The following XKR7 variants were observed in gnomAD, a reference collection of about 807,000 sequenced individuals.
XKR7 encodes XK related 7, also known as XK-related protein 7.
A neutral mutation model predicts 42.2 loss-of-function variants in XKR7; 11 were observed. The ratio of observed to expected loss-of-function variants is 0.26; its 90% confidence interval spans 0.16 to 0.43. XKR7 has a LOEUF of 0.43. Ranked by LOEUF, XKR7 falls within the 20% of genes least tolerant of loss-of-function variation. The pLI is 1.00. For missense variants in XKR7, 710 were observed against 802.2 expected, an observed-to-expected ratio of 0.89 and a Z score of 1.39; for synonymous variants, 346 against 366.4, an observed-to-expected ratio of 0.94 and a Z score of 0.64.
At chr20:31,979,221 C>CT (rs1483137545) in intron 1 of XKR7, among the ~76,000 whole-genome samples, 20 of 146,008 alleles carry the variant, frequency 1.4e-4, no homozygotes, top group African/African-American at 2.8e-4. Flanking sequence ...TTTTCTTTTT[C>CT]TTTTTTTTTT....
At chr20:31,986,444 C>A (rs1362588807) in intron 1 of XKR7, among the ~76,000 whole-genome samples, 1 of 134,558 alleles carries the variant, frequency 7.4e-6, no homozygotes, top group African/African-American at 2.9e-5. Context: ...AGACAGACCA[C>A]CAAGCACACC....
At chr20:31,989,288 C>T (rs1280971573) in intron 1 of XKR7, among the ~76,000 whole-genome samples, 3 of 147,202 alleles carry the variant, frequency 2.0e-5, no homozygotes, top group South Asian at 2.2e-4. Context: ...CCCCCCCCAG[C>T]GCATCTGGAG....
In XKR7 at chr20:31,995,124, G is replaced by A. The variant is rs761598011; in HGVS notation, c.641G>A (p.Arg214Gln). 40 of 1,557,718 alleles carry A rather than the reference G, an allele frequency of 2.6e-5. No individual in the cohort carries two copies. Among genetic ancestry groups the A allele is most frequent in the African/African-American group, 2.7e-5 (2 of 73,482 alleles). Residue 214 changes from arginine to glutamine, a missense_variant, in exon 2 of 3, where the codon CGG (arginine) becomes CAG (glutamine). Arg to Gln is a conservative substitution (Grantham distance 43). Transcript: ENST00000562532. This position sits in a 1 kb window ranked among gnomAD's most constrained non-coding sequence, Gnocchi z 4.1. The part of the protein sequence containing the change: ...LQSRWRGERL[R>Q]RHFYWQMLFE... ...AGCCGCTGGCGCGGGGAGCGGCTGC[G>A]GCGCCACTTCTACTGGCAGATGCTG...
rs140763769 is a variant in XKR7 at position 31,994,027 on chromosome 20, G to A, written c.585-1041G>A. On this transcript the variant is annotated intron_variant, in intron 1 of 2. Transcript: ENST00000562532. ...CTGTGCAGAGTGGCCAAGAAGAGCCGGAGTTTGTTGGGAGAAGTGGCATGA... is the reference window on the plus strand; with the variant it reads ...CTGTGCAGAGTGGCCAAGAAGAGCCAGAGTTTGTTGGGAGAAGTGGCATGA... Among the ~76,000 whole-genome samples the A allele has an allele frequency of 2.3e-3, 346 of 152,284 alleles. 1 individual carries two copies. The highest frequency in any genetic ancestry group is 7.7e-3 in the African/African-American group (321 of 41,560).
rs567485215 is a variant in XKR7 at position 31,980,228 on chromosome 20, T to A, written c.584+11469T>A. Among the ~76,000 whole-genome samples, 4 of 150,602 alleles carry A rather than the reference T, an allele frequency of 2.7e-5. No homozygotes were observed. In the South Asian group the frequency reaches 8.4e-4, roughly 32 times the overall value. ...CTCCAGCTCCCAGCACCACATGAAATGGGAGCCAAACGTGTAAAATCACAT... is the reference window on the plus strand; with the variant it reads ...CTCCAGCTCCCAGCACCACATGAAAAGGGAGCCAAACGTGTAAAATCACAT... On this transcript the variant is annotated intron_variant, in intron 1 of 2. Coordinates refer to ENST00000562532, the MANE Select transcript of XKR7 (RefSeq NM_001011718.2).
rs190103313 is a variant in XKR7 at position 31,968,771 on chromosome 20, G to T, written c.584+12G>T. The stretch of plus-strand genomic sequence containing the variant: ...GGCCAGGTCTGGAGGTAGGAGAAGC[G>T]CAGGTGGAGGGACCTGAGCCCGAGG... On this transcript the variant is annotated intron_variant, in intron 1 of 2. Transcript: ENST00000562532. This position sits in a 1 kb window ranked among gnomAD's most constrained non-coding sequence, Gnocchi z 4.5. The T allele has an allele frequency of 0.013, 18,959 of 1,487,508 alleles. 156 individuals carry two copies. The highest frequency in any genetic ancestry group is 0.015 in the Non-Finnish European group (16,649 of 1,124,854). 92.1% of individuals were successfully genotyped at this position (1,487,508 alleles called of 1,614,324 possible).
In XKR7 at chr20:31,996,391, T is replaced by A. The variant is rs1002932814; in HGVS notation, c.788-114T>A. 4.2e-6 allele frequency: 3 copies of A among 711,288 alleles called. No homozygotes were observed. In the African/African-American group the frequency reaches 5.4e-5, roughly 13 times the overall value. The allele number at this position is 711,288 out of a possible 1,614,324, so 44.1% of individuals were successfully genotyped here. On this transcript the variant is annotated intron_variant, in intron 2 of 2. Transcript: ENST00000562532. ...CACCCCTGCTGATCCACAGCTCCTT[T>A]CCTCACGCCTCTTCAAAACCCAGCT... is the stretch of plus-strand genomic sequence containing the variant.
intron 1 of XKR7, among the ~76,000 whole-genome samples, chr20:31,972,240 G>T (rs1438890442): frequency 6.6e-6 from 1 of 152,114 alleles, no homozygotes; most frequent in Non-Finnish European, 1.5e-5. Flanking sequence ...CTCCCCCCTG[G>T]TGACTATTGA....
At chr20:31,969,873 G>A (rs550806185) in intron 1 of XKR7, among the ~76,000 whole-genome samples, 1 of 152,278 alleles carries the variant, frequency 6.6e-6, no homozygotes, top group South Asian at 2.1e-4. Context: ...GATTACTGCT[G>A]TTGTTATATT....
chr20:31,981,313 T>A (rs2064511705), intron 1 of XKR7, among the ~76,000 whole-genome samples: 1 of 151,118 alleles, frequency 6.6e-6, no homozygotes, highest in African/African-American at 2.4e-5. Context: ...AGGGCAGGGG[T>A]TGCGGCGAGC....
At chr20:31,984,152 T>C (rs1438810207) in intron 1 of XKR7, among the ~76,000 whole-genome samples, 1 of 151,510 alleles carries the variant, frequency 6.6e-6, no homozygotes, top group Non-Finnish European at 1.5e-5. Flanking sequence ...TCCCATCTAC[T>C]TGGGAGGCTG....
In XKR7 at chr20:32,000,414, C is replaced by T. The variant is rs2064618940; in HGVS notation, c.*2957C>T. On this transcript the variant is annotated 3_prime_UTR_variant, in exon 3 of 3. Coordinates refer to ENST00000562532, the MANE Select transcript of XKR7 (RefSeq NM_001011718.2). ...TCAGTCCTTCCCTGTCCTTCCCACC[C>T]TGCCAGGGTCCTTGCAGCCCAGAGG... 1 of 152,548 alleles carries T rather than the reference C, an allele frequency of 6.6e-6. No individual in the cohort carries two copies. The highest frequency in any genetic ancestry group is 1.5e-5 in the Non-Finnish European group (1 of 68,282). The allele number at this position is 152,548 out of a possible 1,614,324, so 9.4% of individuals were successfully genotyped here. A position where few individuals can be genotyped will look rare whatever the true frequency, so the allele number is the denominator to read the frequency against.
chr20:31,999,111 G>A lies in XKR7; in HGVS notation c.*1654G>A, dbSNP rs1370496420. 1 of 149,066 alleles carries A rather than the reference G, an allele frequency of 6.7e-6. No individual in the cohort carries two copies. Among genetic ancestry groups the A allele is most frequent in the Non-Finnish European group, 1.5e-5 (1 of 67,760 alleles). 9.2% of individuals were successfully genotyped at this position (149,066 alleles called of 1,614,324 possible). A position where few individuals can be genotyped will look rare whatever the true frequency, so the allele number is the denominator to read the frequency against. On this transcript the variant is annotated 3_prime_UTR_variant, in exon 3 of 3. Coordinates refer to ENST00000562532, the MANE Select transcript of XKR7 (RefSeq NM_001011718.2). ...AGGACAGCAGCGGATGTTAAGGACA[G>A]ATGCCAACCTGATCCTGGAGTGAGG...
At chr20:31,980,593 C>T (rs1017881015) in intron 1 of XKR7, among the ~76,000 whole-genome samples, 1 of 152,178 alleles carries the variant, frequency 6.6e-6, no homozygotes, top group African/African-American at 2.4e-5. Context: ...AGACTCTATT[C>T]CCCTGTGTCC....
intron 1 of XKR7, among the ~76,000 whole-genome samples, chr20:31,978,499 T>C (rs761125629): frequency 2.0e-5 from 3 of 152,208 alleles, no homozygotes; most frequent in Non-Finnish European, 2.9e-5. Context: ...CCCTACCACC[T>C]CTCTTCAACA....
intron 1 of XKR7, among the ~76,000 whole-genome samples, chr20:31,974,330 G>C (rs979769679): frequency 6.6e-6 from 1 of 152,170 alleles, no homozygotes; most frequent in African/African-American, 2.4e-5. Context: ...AGGGATGGGG[G>C]TCTGCTTCAG....
chr20:31,975,668 T>C (rs2064481587), intron 1 of XKR7, among the ~76,000 whole-genome samples: 1 of 130,860 alleles, frequency 7.6e-6, no homozygotes, highest in Non-Finnish European at 1.5e-5. Flanking sequence ...TCAGGCAATA[T>C]AGAAAAGGCA....
intron 1 of XKR7, among the ~76,000 whole-genome samples, chr20:31,975,527 A>T (rs139586233): frequency 4.7e-4 from 71 of 152,158 alleles, no homozygotes; most frequent in Middle Eastern, 6.8e-3. Context: ...AACAAATCCC[A>T]CACATGCTAC....
intron 1 of XKR7, among the ~76,000 whole-genome samples, chr20:31,983,983 G>A (rs1229536756): frequency 1.3e-5 from 2 of 151,052 alleles, no homozygotes; most frequent in African/African-American, 4.9e-5. Context: ...ATAAATAGCG[G>A]GGAGTGGACA....
Sources: allele counts gnomAD v4.1 joint callset (sites outside exome capture counted in the v4.1 genomes callset), GRCh38; gene constraint gnomAD v4.1.1; non-coding constraint Gnocchi (gnomAD v3.1); transcripts MANE v1.5; gene names NCBI Gene and HGNC (gene_info 2026-07-23, HGNC 2026-07-21).